Variants in SHC4 observed in about 807,000 individuals in gnomAD.
SHC4 encodes SHC adaptor protein 4.
Under a neutral mutation model 69.4 loss-of-function variants are expected in SHC4, and 41 were observed. That is an observed-to-expected ratio of 0.59 (90% confidence interval 0.46 to 0.77). The LOEUF (loss-of-function observed/expected upper bound fraction) is 0.77, where lower values mean the gene tolerates loss of function less well. SHC4 is among the 30% of genes least tolerant of loss of function. The pLI is 0.00. For synonymous variants in SHC4, 318 were observed against 299.3 expected, an observed-to-expected ratio of 1.06 and a Z score of -0.64; for missense variants, 777 against 783.8, an observed-to-expected ratio of 0.99 and a Z score of 0.10.
chr15:48,926,440 A>T (rs1900855417), intron 1 of SHC4, among the ~76,000 whole-genome samples: 1 of 150,386 alleles, frequency 6.6e-6, no homozygotes, highest in East Asian at 2.0e-4. Context: ...CTACCCAAAC[A>T]CTTCTTGTAT....
In SHC4 at chr15:48,833,062, T is replaced by C. The variant is rs187391340; in HGVS notation, c.1737+1707A>G. 5.9e-5 allele frequency among the ~76,000 whole-genome samples: 9 copies of C among 152,330 alleles called. No homozygotes were observed. In the East Asian group the frequency reaches 1.7e-3, roughly 29 times the overall value. On this transcript the variant is annotated intron_variant, in intron 11 of 11. Transcript: ENST00000332408. ...TGTTTCTAGATATTTATTTTGTTTG[T>C]TTGTTTGGGCCATGTTTCCCTGATT...
intron 1 of SHC4, among the ~76,000 whole-genome samples, chr15:48,926,514 G>A (rs914811153): frequency 2.7e-5 from 4 of 150,322 alleles, no homozygotes; most frequent in African/African-American, 9.8e-5. Flanking sequence ...CCAGGCTGGT[G>A]TGCAGTGGCA....
intron 8 of SHC4, 43 bp from the exon 9 acceptor site, chr15:48,851,291 A>C (rs1205460060): frequency 6.3e-7 from 1 of 1,590,534 alleles, no homozygotes; most frequent in Admixed American, 1.7e-5. Flanking sequence ...AACATAGTAC[A>C]CATTCATAAA....
chr15:48,864,056 A>AT (rs957420244), intron 6 of SHC4, among the ~76,000 whole-genome samples: 26 of 151,960 alleles, frequency 1.7e-4, no homozygotes, highest in African/African-American at 5.1e-4. Context: ...TTCTTTGCCT[A>AT]TTTTTTTTAT....
chr15:48,857,819 C>A lies in SHC4; in HGVS notation c.947-4G>T. 1 of 1,502,208 alleles carries A rather than the reference C, an allele frequency of 6.7e-7. No individual in the cohort carries two copies. Among genetic ancestry groups the A allele is most frequent in the East Asian group, 2.4e-5 (1 of 42,494 alleles). The allele number at this position is 1,502,208 out of a possible 1,614,324, so 93.1% of individuals were successfully genotyped here. ...TGGCATTCCAATATGTGACAGGCTG[C>A]AAGAGGACATACAAAAAATAATATT... On this transcript the variant is annotated splice_polypyrimidine_tract_variant and splice_region_variant and intron_variant, in intron 6 of 11. Coordinates refer to ENST00000332408, the MANE Select transcript of SHC4 (RefSeq NM_203349.4).
intron 1 of SHC4, among the ~76,000 whole-genome samples, chr15:48,958,323 G>A (rs1284075208): frequency 6.6e-6 from 1 of 152,230 alleles, no homozygotes; most frequent in Non-Finnish European, 1.5e-5. Flanking sequence ...GGAGGCAAGT[G>A]AGAGGTTGGG....
At chr15:48,904,940 A>AAC (rs71650107) in intron 2 of SHC4, among the ~76,000 whole-genome samples, 30,215 of 144,628 alleles carry the variant, frequency 0.21, 3,247 homozygotes, top group Non-Finnish European at 0.27. Context: ...ACACAGACAC[A>AAC]ACACACACAC....
chr15:48,871,789 A>T (rs1348138992), intron 5 of SHC4, among the ~76,000 whole-genome samples: 3 of 152,204 alleles, frequency 2.0e-5, no homozygotes, highest in African/African-American at 7.2e-5. Context: ...CATGACCTAG[A>T]TATTATCAAC....
chr15:48,861,380 C>A (rs1899438998), intron 6 of SHC4, among the ~76,000 whole-genome samples: 1 of 152,234 alleles, frequency 6.6e-6, no homozygotes, highest in Non-Finnish European at 1.5e-5. Flanking sequence ...GTCTCACCAC[C>A]TTCAGGGAGC....
intron 3 of SHC4, among the ~76,000 whole-genome samples, chr15:48,886,311 C>T (rs1567061553): frequency 6.6e-6 from 1 of 152,172 alleles, no homozygotes; most frequent in Non-Finnish European, 1.5e-5. Context: ...CACTGTCTCA[C>T]AGTCGAAAAG....
rs551320324 is a variant in SHC4 at position 48,832,436 on chromosome 15, A to G, written c.1737+2333T>C. Among the ~76,000 whole-genome samples the G allele has an allele frequency of 5.3e-5, 8 of 152,300 alleles. No individual in the cohort carries two copies. In the South Asian group the frequency reaches 1.7e-3, roughly 32 times the overall value. ...TCTTATGGAGGCTCTCTGGCACATA[A>G]TGAGTCTCTTCTCTTGCTGCTTTCA... On this transcript the variant is annotated intron_variant, in intron 11 of 11. Coordinates refer to ENST00000332408, the MANE Select transcript of SHC4 (RefSeq NM_203349.4).
intron 1 of SHC4, among the ~76,000 whole-genome samples, chr15:48,940,688 T>C (rs748388532): frequency 3.9e-5 from 6 of 152,190 alleles, no homozygotes; most frequent in African/African-American, 7.2e-5. Flanking sequence ...ATGTTCAATG[T>C]GTGGTCATGT....
In SHC4 at chr15:48,930,610, C is replaced by T. The variant is rs538599440; in HGVS notation, c.586-5661G>A. ...TACAATCGTGCCATTGCACTCCAGCCTGGGGGACAGAGCGAGACCCTGTCT... is the reference window on the plus strand; with the variant it reads ...TACAATCGTGCCATTGCACTCCAGCTTGGGGGACAGAGCGAGACCCTGTCT... On this transcript the variant is annotated intron_variant, in intron 1 of 11. Transcript: ENST00000332408. Among the ~76,000 whole-genome samples, 19 of 152,238 alleles carry T rather than the reference C, an allele frequency of 1.2e-4. 1 individual carries two copies. The South Asian group carries it at 4.0e-3, about 32-fold the overall frequency.
chr15:48,901,816 A>G (rs964280549), intron 2 of SHC4, among the ~76,000 whole-genome samples: 1 of 152,218 alleles, frequency 6.6e-6, no homozygotes, highest in Non-Finnish European at 1.5e-5. Flanking sequence ...CTTAAATATA[A>G]AAAGTAAGAA....
At chr15:48,855,479 T>A (rs1268785813) in intron 8 of SHC4, among the ~76,000 whole-genome samples, 1 of 151,968 alleles carries the variant, frequency 6.6e-6, no homozygotes, top group Non-Finnish European at 1.5e-5. Flanking sequence ...GGTGGAACAT[T>A]ATTAGGTTGG....
At chr15:48,871,887 A>G (rs908329035) in intron 5 of SHC4, 30 of 466,562 alleles carry the variant, frequency 6.4e-5, no homozygotes, top group Non-Finnish European at 1.0e-4. Flanking sequence ...TTAAAATTTA[A>G]TAATAGGAAA....
At chr15:48,940,857 A>C (rs1901162834) in intron 1 of SHC4, among the ~76,000 whole-genome samples, 1 of 152,216 alleles carries the variant, frequency 6.6e-6, no homozygotes, top group African/African-American at 2.4e-5. Flanking sequence ...ATGCTGTATT[A>C]GTTTTCAGCT....
At position 48,907,133 on chromosome 15, in the gene SHC4, A is replaced by C. The variant is rs116918711; in HGVS notation, c.657-16322T>G. Among the ~76,000 whole-genome samples the C allele has an allele frequency of 3.2e-3, 487 of 151,376 alleles. 15 individuals carry two copies. In the East Asian group the frequency reaches 0.059, roughly 18 times the overall value. ...CTTTTCATAATCAGAAAAGGAATGCAAAAAAAAATTAAGAATTAGATATGG... is the reference window on the plus strand; with the variant it reads ...CTTTTCATAATCAGAAAAGGAATGCCAAAAAAAATTAAGAATTAGATATGG... On this transcript the variant is annotated intron_variant, in intron 2 of 11. Coordinates refer to ENST00000332408, the MANE Select transcript of SHC4 (RefSeq NM_203349.4).
intron 1 of SHC4, among the ~76,000 whole-genome samples, chr15:48,926,239 G>A (rs1445590408): frequency 2.6e-5 from 4 of 152,260 alleles, no homozygotes; most frequent in Middle Eastern, 3.4e-3. Flanking sequence ...GTTGAGGAGG[G>A]AGAGTGCTTC....
Sources: gnomAD v4.1 joint callset for allele counts (sites outside exome capture counted in the v4.1 genomes callset) on GRCh38, gnomAD v4.1.1 for gene constraint, MANE v1.5 for transcripts, NCBI Gene and HGNC (gene_info 2026-07-23, HGNC 2026-07-21) for gene names.